Variants in ANO3 observed in about 807,000 individuals in gnomAD.
The protein encoded by ANO3 is anoctamin-3.
Under a neutral mutation model 144.8 loss-of-function variants are expected in ANO3, and 99 were observed. The observed-to-expected ratio is 0.68, with a 90% CI of 0.58 to 0.81. ANO3 has a LOEUF of 0.81. Ranked by LOEUF, ANO3 falls within the 30% of genes least tolerant of loss-of-function variation. The pLI is 0.00. For synonymous variants in ANO3, 414 were observed against 392.6 expected, an observed-to-expected ratio of 1.05 and a Z score of -0.64; for missense variants, 905 against 1,202.2, an observed-to-expected ratio of 0.75 and a Z score of 3.66.
chr11:26,560,907 C>T lies in ANO3; in HGVS notation c.1447+1128C>T, dbSNP rs950643709. On this transcript the variant is annotated intron_variant, in intron 14 of 26. Transcript: ENST00000256737. ...TAAGAAAGAAAACCTTTGGATGATA[C>T]ATCCTGTCTACATTTCTGCTACTGG... 1.7e-5 allele frequency: 11 copies of T among 657,156 alleles called. No individual in the cohort carries two copies. The African/African-American group carries it at 1.9e-4, about 11-fold the overall frequency. The allele number at this position is 657,156 out of a possible 1,614,324, so 40.7% of individuals were successfully genotyped here.
At chr11:26,321,851 A>G (rs1316497221) in intron 1 of ANO3, among the ~76,000 whole-genome samples, 2 of 152,026 alleles carry the variant, frequency 1.3e-5, no homozygotes, top group African/African-American at 4.8e-5. Flanking sequence ...AACCTAGTCT[A>G]TGTTCAAGGA....
At chr11:26,609,225 A>T (rs1211097780) in intron 17 of ANO3, among the ~76,000 whole-genome samples, 2 of 152,092 alleles carry the variant, frequency 1.3e-5, no homozygotes, top group Non-Finnish European at 2.9e-5. Context: ...GCCACACCAC[A>T]GTGCTGTTCC....
At chr11:26,457,516 A>G (rs1274981529) in intron 3 of ANO3, among the ~76,000 whole-genome samples, 5 of 152,066 alleles carry the variant, frequency 3.3e-5, no homozygotes, top group Non-Finnish European at 5.9e-5. Context: ...TTGAATGCAA[A>G]CAAAAGGAAG....
At chr11:26,284,374 G>A (rs1853752268) in intron 1 of ANO3, among the ~76,000 whole-genome samples, 1 of 152,158 alleles carries the variant, frequency 6.6e-6, no homozygotes, top group South Asian at 2.1e-4. Context: ...GGAGAAAGAG[G>A]ATTCTAATTT....
chr11:26,314,755 T>C (rs961023429), intron 1 of ANO3, among the ~76,000 whole-genome samples: 43 of 152,190 alleles, frequency 2.8e-4, no homozygotes, highest in African/African-American at 1.0e-3. Flanking sequence ...TGTGAAATAA[T>C]GATAAATTGA....
chr11:26,416,158 A>G (rs934667930), intron 1 of ANO3, among the ~76,000 whole-genome samples: 1 of 152,096 alleles, frequency 6.6e-6, no homozygotes, highest in African/African-American at 2.4e-5. Flanking sequence ...TACCCTAAGT[A>G]AAATAGTATG....
At chr11:26,336,481 T>C (rs753890684) in intron 1 of ANO3, among the ~76,000 whole-genome samples, 14 of 152,252 alleles carry the variant, frequency 9.2e-5, no homozygotes, top group Non-Finnish European at 1.9e-4. Flanking sequence ...TTTACACTTA[T>C]ATGGAGACTT....
chr11:26,296,243 T>G (rs1379576819), intron 1 of ANO3, among the ~76,000 whole-genome samples: 1 of 152,234 alleles, frequency 6.6e-6, no homozygotes, highest in Non-Finnish European at 1.5e-5. Flanking sequence ...AATGAGTTTA[T>G]TAAAACCCTA....
intron 14 of ANO3, among the ~76,000 whole-genome samples, chr11:26,595,469 T>G (rs1008781101): frequency 4.8e-5 from 7 of 144,622 alleles, no homozygotes; most frequent in Non-Finnish European, 1.1e-4. Context: ...TGTTTTTTTT[T>G]TTTTTTTTTT....
chr11:26,611,938 G>A (rs904413777), intron 17 of ANO3, among the ~76,000 whole-genome samples: 2 of 151,772 alleles, frequency 1.3e-5, no homozygotes, highest in African/African-American at 4.8e-5. Context: ...GCTCACTTTT[G>A]GTTTGCATTT....
intron 11 of ANO3, among the ~76,000 whole-genome samples, chr11:26,546,623 C>T (rs539841565): frequency 4.6e-5 from 7 of 152,044 alleles, no homozygotes; most frequent in African/African-American, 7.2e-5. Flanking sequence ...CCTTTAATAC[C>T]GGCAGTAGGT....
At chr11:26,297,182 TGC>T (rs1400106842) in intron 1 of ANO3, among the ~76,000 whole-genome samples, 9 of 146,880 alleles carry the variant, frequency 6.1e-5, no homozygotes, top group African/African-American at 2.4e-4. Flanking sequence ...CATCAACCAT[TGC>T]GTGTGTGTGT....
chr11:26,378,863 T>A (rs564963043), intron 1 of ANO3, among the ~76,000 whole-genome samples: 4 of 151,206 alleles, frequency 2.6e-5, no homozygotes, highest in Non-Finnish European at 5.9e-5. Context: ...CTTGGCAAAG[T>A]TTGTATCATT....
intron 1 of ANO3, among the ~76,000 whole-genome samples, chr11:26,353,909 G>C (rs1855713119): frequency 6.6e-6 from 1 of 152,166 alleles, no homozygotes; most frequent in South Asian, 2.1e-4. Context: ...ATTTTAACAA[G>C]TTGAAGAACA....
intron 3 of ANO3, among the ~76,000 whole-genome samples, chr11:26,460,461 AAGGAAGGAAGGG>A (rs1211776197): frequency 5.3e-5 from 8 of 149,578 alleles, no homozygotes; most frequent in African/African-American, 1.7e-4. Flanking sequence ...GGAAAGAAGG[AAGGAAGGAAGGG>A]AGGAAGGAAG....
intron 1 of ANO3, among the ~76,000 whole-genome samples, chr11:26,366,128 A>C (rs1028670488): frequency 6.6e-6 from 1 of 151,886 alleles, no homozygotes; most frequent in Non-Finnish European, 1.5e-5. Flanking sequence ...ATATCTCCTA[A>C]TGCTATCCCT....
At chr11:26,388,609 A>G (rs1435458273) in intron 1 of ANO3, among the ~76,000 whole-genome samples, 1 of 151,826 alleles carries the variant, frequency 6.6e-6, no homozygotes, top group African/African-American at 2.4e-5. Context: ...CTAGCAACTA[A>G]TTGTTTTCTC....
Position 26,643,234 on chromosome 11 carries a change from T to C in ANO3, c.2328T>C (p.Pro776=), listed in dbSNP as rs754631898. The C allele has an allele frequency of 3.1e-6, 5 of 1,614,078 alleles. No homozygotes were observed. The African/African-American group carries it at 6.7e-5, about 22-fold the overall frequency. ...TIFVAAFPLA[P]LLALLNNIIE... ...TTGTTGCGGCTTTTCCTCTAGCCCC[T>C]CTTTTGGCTTTGTTAAACAATATCA... Residue 776 remains proline, a synonymous_variant, in exon 23 of 27, where the codon CCT becomes CCC. Transcript: ENST00000256737.
At chr11:26,606,333 T>C (rs1390984847) in intron 17 of ANO3, among the ~76,000 whole-genome samples, 1 of 152,032 alleles carries the variant, frequency 6.6e-6, no homozygotes, top group African/African-American at 2.4e-5. Flanking sequence ...TGCTGAGGAG[T>C]GTTTTACTTC....
Sources: allele counts gnomAD v4.1 joint callset (sites outside exome capture counted in the v4.1 genomes callset), GRCh38; gene constraint gnomAD v4.1.1; transcripts MANE v1.5; gene names NCBI Gene and HGNC (gene_info 2026-07-23, HGNC 2026-07-21).